OSBPL9: variants seen among roughly 807,000 people sequenced by gnomAD.
OSBPL9 encodes oxysterol binding protein like 9, also known as oxysterol-binding protein-related protein 9.
Under a neutral mutation model 106.6 loss-of-function variants are expected in OSBPL9, and 40 were observed. The ratio of observed to expected loss-of-function variants is 0.38; its 90% CI spans 0.29 to 0.49. OSBPL9 has a LOEUF of 0.49. Among genes scored for constraint, OSBPL9 ranks in the 20% least tolerant of loss-of-function variants. The probability of loss-of-function intolerance (pLI) is 0.97; values close to 1 mark genes in which losing one functional copy is unlikely to be tolerated. For missense variants in OSBPL9, 609 were observed against 887.2 expected, an observed-to-expected ratio of 0.69 and a Z score of 3.98; for synonymous variants, 269 against 295.4, an observed-to-expected ratio of 0.91 and a Z score of 0.92.
chr1:51,518,694 T>C, the OSBPL9 span, among the ~76,000 whole-genome samples: 1 of 152,100 alleles, frequency 6.6e-6, no homozygotes, highest in Non-Finnish European at 1.5e-5. Context: ...AAAGACTGGC[T>C]TGGGGGGCCT....
chr1:51,785,847 G>A lies in OSBPL9; in HGVS notation c.1869G>A (p.Gly623=). Residue 623 remains glycine, a synonymous_variant, in exon 21 of 24, where the codon GGG becomes GGA. Transcript: ENST00000428468. ...NDKKSFCSIE[G]EWNGVMYAKY... ...AGAAGTCTTTTTGCTCAATTGAAGG[G>A]GAATGGAATGGTGTGATGTATGCAA... 1 of 1,608,916 alleles carries A rather than the reference G, an allele frequency of 6.2e-7. No individual in the cohort carries two copies. Among genetic ancestry groups the A allele is most frequent in the East Asian group, 2.2e-5 (1 of 44,802 alleles).
chr1:51,635,569 A>G (rs1345513468), intron 1 of OSBPL9, among the ~76,000 whole-genome samples: 1 of 152,182 alleles, frequency 6.6e-6, no homozygotes, highest in East Asian at 1.9e-4. Flanking sequence ...AAGGTGCAGC[A>G]TATATTACTA....
chr1:51,726,523 A>C (rs1663152728), intron 4 of OSBPL9, among the ~76,000 whole-genome samples: 1 of 152,178 alleles, frequency 6.6e-6, no homozygotes, highest in Non-Finnish European at 1.5e-5. Flanking sequence ...TAGCAGAAAA[A>C]TTTTTGAAAG....
At chr1:51,751,381 G>A (rs907884131) in intron 8 of OSBPL9, among the ~76,000 whole-genome samples, 1 of 152,084 alleles carries the variant, frequency 6.6e-6, no homozygotes, top group Non-Finnish European at 1.5e-5. Context: ...TATACTTAAA[G>A]TGTCAGAACT....
At chr1:51,718,316 A>G (rs1450415785) in intron 4 of OSBPL9, among the ~76,000 whole-genome samples, 1 of 152,224 alleles carries the variant, frequency 6.6e-6, no homozygotes, top group Non-Finnish European at 1.5e-5. Flanking sequence ...TATAGTCAAC[A>G]GTAATTATAC....
At chr1:51,734,202 A>G (rs754481798) in intron 4 of OSBPL9, among the ~76,000 whole-genome samples, 2 of 152,146 alleles carry the variant, frequency 1.3e-5, no homozygotes, top group African/African-American at 4.8e-5. Flanking sequence ...ATTGGAGTTC[A>G]TTTATTTCTG....
At chr1:51,657,112 T>G (rs779763402) in intron 2 of OSBPL9, among the ~76,000 whole-genome samples, 16 of 152,208 alleles carry the variant, frequency 1.1e-4, no homozygotes, top group Non-Finnish European at 1.8e-4. Flanking sequence ...TAATAAATAC[T>G]CAAAAATGCT....
At chr1:51,616,573 C>G (rs1644063977), upstream of OSBPL9, among the ~76,000 whole-genome samples, 1 of 152,208 alleles carries the variant, frequency 6.6e-6, no homozygotes, top group South Asian at 2.1e-4. Flanking sequence ...GCAGTCCCAG[C>G]GCTCTCTCCT....
At chr1:51,746,896 G>A (rs1668095958) in intron 6 of OSBPL9, 139 bp downstream of exon 6, 1 of 619,738 alleles carries the variant, frequency 1.6e-6, no homozygotes, top group Non-Finnish European at 2.7e-6. Flanking sequence ...TGGACCTCAA[G>A]GGTACTTTTC....
chr1:51,683,535 G>A (rs1241095768), intron 3 of OSBPL9, among the ~76,000 whole-genome samples: 1 of 150,168 alleles, frequency 6.7e-6, no homozygotes, highest in Non-Finnish European at 1.5e-5. Flanking sequence ...GCTCATGCCT[G>A]TAATTCCAGT....
chr1:51,606,681 T>A lies in OSBPL9; in HGVS notation c.-352-7624T>A, dbSNP rs567512675. Among the ~76,000 whole-genome samples, 4 of 152,368 alleles carry A rather than the reference T, an allele frequency of 2.6e-5. No individual in the cohort carries two copies. The South Asian group carries it at 8.3e-4, about 32-fold the overall frequency. On this transcript the variant is annotated intron_variant, in intron 2 of 25. Coordinates refer to the OSBPL9 transcript ENST00000371714. The stretch of plus-strand genomic sequence containing the variant: ...ACATAATTACCTGGTGGTACTTTTT[T>A]AAAATATATTTTTTATCCTTTACAA...
chr1:51,572,153 C>T, the OSBPL9 span, among the ~76,000 whole-genome samples: 2 of 152,202 alleles, frequency 1.3e-5, no homozygotes, highest in African/African-American at 4.8e-5. Context: ...GTTCATAATT[C>T]TCTCCTTTAA....
intron 1 of OSBPL9, among the ~76,000 whole-genome samples, chr1:51,619,037 A>G (rs1644262880): frequency 6.6e-6 from 1 of 152,204 alleles, no homozygotes; most frequent in African/African-American, 2.4e-5. Context: ...AGTCTTAAAC[A>G]CATTGTTCAA....
intron 3 of OSBPL9, among the ~76,000 whole-genome samples, chr1:51,695,590 C>T (rs1217504736): frequency 2.6e-5 from 4 of 152,092 alleles, no homozygotes; most frequent in Non-Finnish European, 5.9e-5. Flanking sequence ...ATTGTTATTC[C>T]TTAAGAAGAA....
chr1:51,617,132 C>T lies in OSBPL9; in HGVS notation c.22C>T (p.Pro8Ser). The T allele has an allele frequency of 6.2e-7, 1 of 1,612,144 alleles. No homozygotes were observed. Among genetic ancestry groups the T allele is most frequent in the Non-Finnish European group, 8.5e-7 (1 of 1,179,204 alleles). The change falls in exon 1 of 24, where the codon CCG (proline) becomes TCG (serine). Residue 8 changes from proline to serine, a missense_variant. By Grantham distance (74) the Pro-to-Ser change is moderately conservative. Around this residue, in one of 5 missense-constraint regions of OSBPL9, gnomAD observed 30 missense variants for 21.8 expected, o/e 1.37. Transcript: ENST00000428468. MASIMEG[P>S]LSKWTNVMKG... ...CAAGATGGCGTCCATCATGGAAGGG[C>T]CGCTGAGCAAATGGACTAACGTGAT...
chr1:51,668,667 G>A (rs926432271), intron 2 of OSBPL9, among the ~76,000 whole-genome samples: 4 of 152,060 alleles, frequency 2.6e-5, no homozygotes, highest in Non-Finnish European at 5.9e-5. Context: ...TTTTTAAAAG[G>A]GTTAAAACCT....
chr1:51,590,453 T>C (rs1331051704), intron 1 of OSBPL9, among the ~76,000 whole-genome samples: 4 of 151,706 alleles, frequency 2.6e-5, no homozygotes, highest in Non-Finnish European at 4.4e-5. Context: ...ACCCCGTCTC[T>C]ACTAAATATA....
In OSBPL9 at chr1:51,786,551, A is replaced by G. The variant is rs755515337; in HGVS notation, c.1934A>G (p.Lys645Arg). The G allele has an allele frequency of 6.2e-7, 1 of 1,611,506 alleles. No homozygotes were observed. Among genetic ancestry groups the G allele is most frequent in the Non-Finnish European group, 8.5e-7 (1 of 1,177,742 alleles). ...GAAAATACAGTCTTTGTAGATACCA[A>G]GAAGTTGCCTATAATCAAGAAGAAA... ...TGENTVFVDT[K>R]KLPIIKKKVR... Residue 645 changes from lysine to arginine, a missense_variant, in exon 22 of 24, where the codon AAG becomes AGG. Coordinates refer to ENST00000428468, the MANE Select transcript of OSBPL9 (RefSeq NM_024586.6).
intron 11 of OSBPL9, among the ~76,000 whole-genome samples, chr1:51,762,776 C>T (rs1671798336): frequency 6.6e-6 from 1 of 152,192 alleles, no homozygotes; most frequent in African/African-American, 2.4e-5. Flanking sequence ...AGAGCACTTT[C>T]CATGTTTGTA....
Sources: allele counts gnomAD v4.1 joint callset (sites outside exome capture counted in the v4.1 genomes callset), GRCh38; gene constraint gnomAD v4.1.1; regional missense constraint gnomAD v4.1.1; transcripts MANE v1.5; gene names NCBI Gene and HGNC (gene_info 2026-07-23, HGNC 2026-07-21).